CEP63: variants seen among roughly 807,000 people sequenced by gnomAD.
CEP63 encodes the protein centrosomal protein of 63 kDa.
CEP63 carries 84 observed loss-of-function variants against 89.1 expected under a neutral mutation model. That is an observed-to-expected ratio of 0.94 (90% CI 0.79 to 1.13). The LOEUF (loss-of-function observed/expected upper bound fraction) is 1.13. CEP63 is among the 50% of genes most tolerant of loss of function. CEP63 has a pLI of 0.00. For missense variants in CEP63, 838 were observed against 813.3 expected (o/e 1.03, Z -0.37); for synonymous variants, 267 against 272.5 (o/e 0.98, Z 0.20).
At chr3:134,701,189 T>C in the CEP63 span, among the ~76,000 whole-genome samples, 1 of 105,620 alleles carries the variant, frequency 9.5e-6, no homozygotes, top group Admixed American at 1.2e-4. Context: ...ATTATATATA[T>C]ATACACACAC....
downstream of CEP63, among the ~76,000 whole-genome samples, chr3:134,589,742 G>C (rs778311510): frequency 6.6e-6 from 1 of 152,158 alleles, no homozygotes; most frequent in Non-Finnish European, 1.5e-5. Flanking sequence ...CAATCTCATT[G>C]TTGGGTATAT....
intron 1 of CEP63, among the ~76,000 whole-genome samples, chr3:134,492,735 A>G (rs1266888362): frequency 6.6e-6 from 1 of 152,166 alleles, no homozygotes; most frequent in East Asian, 1.9e-4. Context: ...TTGCAAAGAC[A>G]CTATTAAGCC....
the CEP63 span, among the ~76,000 whole-genome samples, chr3:134,598,353 A>G: frequency 6.6e-6 from 1 of 152,240 alleles, no homozygotes; most frequent in South Asian, 2.1e-4. Context: ...CTTCTTTCCG[A>G]TTCCCTATAA....
chr3:134,649,835 T>A, the CEP63 span, among the ~76,000 whole-genome samples: 10 of 152,284 alleles, frequency 6.6e-5, no homozygotes, highest in Admixed American at 3.9e-4. Flanking sequence ...GCACAGAGGC[T>A]CTGGGGACAG....
intron 10 of CEP63, among the ~76,000 whole-genome samples, chr3:134,583,440 C>A (rs1329893525): frequency 6.6e-6 from 1 of 152,264 alleles, no homozygotes. Context: ...ATAGGGAATC[C>A]TTTCCCCATT....
At chr3:134,720,951 C>G in the CEP63 span, among the ~76,000 whole-genome samples, 2 of 152,152 alleles carry the variant, frequency 1.3e-5, no homozygotes, top group Middle Eastern at 3.4e-3. Context: ...ATTGTTTTGG[C>G]TATTTTGCGT....
intron 3 of CEP63, among the ~76,000 whole-genome samples, chr3:134,516,709 A>G (rs1946324192): frequency 6.6e-6 from 1 of 152,222 alleles, no homozygotes; most frequent in Non-Finnish European, 1.5e-5. Context: ...CCCTTAATCC[A>G]TTTAACCCTG....
the CEP63 span, chr3:134,619,139 C>T: frequency 1.9e-6 from 3 of 1,610,466 alleles, no homozygotes; most frequent in Non-Finnish European, 2.5e-6. Context: ...GGACTCCTGT[C>T]TCTCGTACCT....
At chr3:134,647,540 A>C in the CEP63 span, 3 of 1,244,846 alleles carry the variant, frequency 2.4e-6, no homozygotes, top group South Asian at 3.7e-5. Flanking sequence ...ACTCAGGGCA[A>C]AAGAGTGATG....
the CEP63 span, among the ~76,000 whole-genome samples, chr3:134,649,816 G>T: frequency 6.6e-6 from 1 of 152,216 alleles, no homozygotes; most frequent in Non-Finnish European, 1.5e-5. Flanking sequence ...GAAGGTGGAT[G>T]TTCAATGAGC....
At chr3:134,649,423 G>T in the CEP63 span, among the ~76,000 whole-genome samples, 1 of 152,242 alleles carries the variant, frequency 6.6e-6, no homozygotes, top group South Asian at 2.1e-4. Flanking sequence ...GGGGACTCGT[G>T]GGCTGACCTG....
At chr3:134,492,807 C>T (rs6785027) in intron 1 of CEP63, among the ~76,000 whole-genome samples, 100,235 of 151,856 alleles carry the variant, frequency 0.66, 33,457 homozygotes, top group East Asian at 0.81. Flanking sequence ...GGTTGCACAT[C>T]GATTGTGACT....
At chr3:134,763,176 C>G in the CEP63 span, among the ~76,000 whole-genome samples, 2 of 151,898 alleles carry the variant, frequency 1.3e-5, no homozygotes, top group Non-Finnish European at 2.9e-5. Context: ...GTGTGCTGCA[C>G]CCAGTAACTC....
intron 3 of CEP63, among the ~76,000 whole-genome samples, chr3:134,518,431 A>C (rs1410613629): frequency 6.6e-6 from 1 of 152,220 alleles, no homozygotes; most frequent in African/African-American, 2.4e-5. Context: ...GAGGATTAGA[A>C]TCATGTTTTT....
intron 12 of CEP63, among the ~76,000 whole-genome samples, chr3:134,556,747 G>C (rs957712710): frequency 2.6e-5 from 4 of 152,116 alleles, no homozygotes; most frequent in African/African-American, 9.7e-5. Flanking sequence ...TGGTAATACT[G>C]TTCTTTCTTT....
At chr3:134,719,933 T>G in the CEP63 span, among the ~76,000 whole-genome samples, 1 of 152,212 alleles carries the variant, frequency 6.6e-6, no homozygotes, top group Non-Finnish European at 1.5e-5. Flanking sequence ...TCTATGAACA[T>G]GTATGCATAA....
chr3:134,706,561 C>T, the CEP63 span, among the ~76,000 whole-genome samples: 1 of 152,184 alleles, frequency 6.6e-6, no homozygotes. Context: ...TATCCTGCCT[C>T]ACCCTATTCC....
intron 3 of CEP63, among the ~76,000 whole-genome samples, chr3:134,526,956 T>C (rs1191236896): frequency 6.6e-6 from 1 of 152,174 alleles, no homozygotes; most frequent in Non-Finnish European, 1.5e-5. Context: ...TTTCTCTGGC[T>C]CCTTGAAGTT....
chr3:134,561,286 A>C lies in CEP63; in HGVS notation c.1954-91A>C. ...TTCAGAGGAAAAAAATCACCTTTTA[A>C]TATTGCTAGTTAGAAAATGTCATGA... On this transcript the variant is annotated intron_variant, in intron 14 of 14. Transcript: ENST00000675561. 2.3e-6 allele frequency: 3 copies of C among 1,292,030 alleles called. No homozygotes were observed. The South Asian group carries it at 3.6e-5, about 16-fold the overall frequency. 80.0% of individuals were successfully genotyped at this position (1,292,030 alleles called of 1,614,324 possible). A position where few individuals can be genotyped will look rare whatever the true frequency, so the allele number is the denominator to read the frequency against.
Sources: gnomAD v4.1 joint callset for allele counts (sites outside exome capture counted in the v4.1 genomes callset) on GRCh38, gnomAD v4.1.1 for gene constraint, MANE v1.5 for transcripts, NCBI Gene and HGNC (gene_info 2026-07-23, HGNC 2026-07-21) for gene names.